NEBL: variants seen among roughly 807,000 people sequenced by gnomAD.
NEBL encodes nebulette, also known as LIM and SH3 protein 2.
A neutral mutation model predicts 140.2 loss-of-function variants in NEBL; 122 were observed. The observed-to-expected ratio is 0.87, with a 90% CI of 0.75 to 1.01. The LOEUF is 1.01. NEBL is among the 50% of genes least tolerant of loss of function. The pLI is 0.00. For missense variants in NEBL, 1,365 were observed against 1,231.3 expected (o/e 1.11, Z -1.62); for synonymous variants, 436 against 398.9 (o/e 1.09, Z -1.11).
intron 2 of NEBL, among the ~76,000 whole-genome samples, chr10:20,896,757 G>A (rs929408884): frequency 6.6e-6 from 1 of 152,034 alleles, no homozygotes; most frequent in Non-Finnish European, 1.5e-5. Flanking sequence ...TAAGAATGAG[G>A]AGACTTGCTC....
intron 18 of NEBL, among the ~76,000 whole-genome samples, chr10:20,825,903 G>A (rs575085299): frequency 5.9e-5 from 9 of 152,214 alleles, no homozygotes; most frequent in East Asian, 1.9e-4. Context: ...ATTTGTTTTC[G>A]TTTCTGCTGG....
chr10:20,908,846 C>T (rs958620300), intron 4 of NEBL, among the ~76,000 whole-genome samples: 10 of 152,126 alleles, frequency 6.6e-5, no homozygotes, highest in African/African-American at 2.2e-4. Context: ...ATGGGCATTT[C>T]AAGGTATACA....
chr10:20,830,768 A>G (rs1293059771), intron 16 of NEBL, among the ~76,000 whole-genome samples: 1 of 151,740 alleles, frequency 6.6e-6, no homozygotes, highest in Non-Finnish European at 1.5e-5. Flanking sequence ...AAAGGTTAAA[A>G]TATCCTTGGG....
intron 4 of NEBL, among the ~76,000 whole-genome samples, chr10:20,924,621 G>C (rs1008704477): frequency 1.3e-5 from 2 of 151,360 alleles, no homozygotes; most frequent in East Asian, 3.9e-4. Flanking sequence ...GAATGTGAAA[G>C]AATAGGGCCT....
chr10:21,216,628 G>A (rs1051996327), intron 3 of NEBL, among the ~76,000 whole-genome samples: 2 of 152,044 alleles, frequency 1.3e-5, no homozygotes, highest in Admixed American at 1.3e-4. Context: ...AAAATTAGCT[G>A]GGCATGGTGG....
At chr10:21,179,013 T>C (rs1340476494), upstream of NEBL, among the ~76,000 whole-genome samples, 1 of 152,206 alleles carries the variant, frequency 6.6e-6, no homozygotes, top group Admixed American at 6.5e-5. Context: ...ACTTTGCAGA[T>C]GTGATTAAGT....
intron 2 of NEBL, among the ~76,000 whole-genome samples, chr10:21,151,316 C>T (rs1336113394): frequency 1.3e-5 from 2 of 152,136 alleles, no homozygotes; most frequent in African/African-American, 2.4e-5. Context: ...GGTGAAACTT[C>T]CAGGGGGTCC....
chr10:21,278,642 A>G (rs1353440436), intron 1 of NEBL, among the ~76,000 whole-genome samples: 2 of 152,210 alleles, frequency 1.3e-5, no homozygotes, highest in Non-Finnish European at 2.9e-5. Flanking sequence ...CTATCGGAGC[A>G]CTGATTTGAG....
chr10:20,851,619 CAA>C (rs1342689533), intron 10 of NEBL, among the ~76,000 whole-genome samples: 9 of 114,420 alleles, frequency 7.9e-5, no homozygotes, highest in Admixed American at 1.8e-4. Context: ...ACTAAAAATA[CAA>C]AAAAAAAAAA....
Position 20,828,526 on chromosome 10 carries a change from T to C in NEBL, c.1776+4A>G, listed in dbSNP as rs1205382471. ...GCAACTTAAAAGAAGTAATGGCTACTCACCGCACTAATGTTTTGTTGAGTT... is the reference window on the plus strand; with the variant it reads ...GCAACTTAAAAGAAGTAATGGCTACCCACCGCACTAATGTTTTGTTGAGTT... On this transcript the variant is annotated splice_donor_region_variant and intron_variant, in intron 17 of 27. Coordinates refer to ENST00000377122, the MANE Select transcript of NEBL (RefSeq NM_006393.3). 2.6e-6 allele frequency: 4 copies of C among 1,553,806 alleles called. No individual in the cohort carries two copies. The highest frequency in any genetic ancestry group is 3.6e-6 in the Non-Finnish European group (4 of 1,125,604).
At chr10:20,899,387 G>C (rs900230435), upstream of NEBL, 2 of 1,302,948 alleles carry the variant, frequency 1.5e-6, no homozygotes, top group African/African-American at 3.0e-5. Flanking sequence ...CCTTCATCAG[G>C]CTTGCAGTGC....
intron 3 of NEBL, among the ~76,000 whole-genome samples, chr10:21,184,642 G>A (rs987506833): frequency 6.6e-6 from 1 of 152,116 alleles, no homozygotes. Context: ...AATAAAAATA[G>A]GTATCAAAGC....
chr10:21,009,071 T>C (rs1371501064), intron 3 of NEBL, among the ~76,000 whole-genome samples: 2 of 152,122 alleles, frequency 1.3e-5, no homozygotes, highest in Non-Finnish European at 2.9e-5. Flanking sequence ...GGAAAACTTA[T>C]ATAACAGATA....
intron 4 of NEBL, 51 bp downstream of exon 4, chr10:20,888,046 C>T (rs1164311277): frequency 7.9e-7 from 1 of 1,265,088 alleles, no homozygotes; most frequent in South Asian, 1.2e-5. Context: ...AGCTTTTTTC[C>T]AGTTATATGT....
intron 3 of NEBL, among the ~76,000 whole-genome samples, chr10:21,200,775 GA>G (rs1841723349): frequency 6.6e-6 from 1 of 152,154 alleles, no homozygotes; most frequent in African/African-American, 2.4e-5. Context: ...ATGTCATTTT[GA>G]ATTTTGGTGA....
intron 2 of NEBL, among the ~76,000 whole-genome samples, chr10:21,065,880 A>G (rs1028555659): frequency 2.0e-5 from 3 of 152,268 alleles, no homozygotes; most frequent in African/African-American, 7.2e-5. Flanking sequence ...TAACAAAGGG[A>G]GGGTGATGGG....
intron 3 of NEBL, among the ~76,000 whole-genome samples, chr10:20,986,179 T>G (rs931032498): frequency 1.3e-5 from 2 of 152,204 alleles, no homozygotes; most frequent in Non-Finnish European, 2.9e-5. Context: ...AGGTGCTTTT[T>G]CCAAATTAGT....
At chr10:20,898,151 T>C (rs562110715), upstream of NEBL, among the ~76,000 whole-genome samples, 1 of 152,222 alleles carries the variant, frequency 6.6e-6, no homozygotes, top group Non-Finnish European at 1.5e-5. Flanking sequence ...TGTATGTCCT[T>C]GGTTACGTAA....
chr10:21,016,079 G>A (rs1037923675), intron 3 of NEBL, among the ~76,000 whole-genome samples: 2 of 152,240 alleles, frequency 1.3e-5, no homozygotes, highest in Non-Finnish European at 2.9e-5. Context: ...GGCCCGTGGG[G>A]GCGTCTAACC....
Sources: allele counts gnomAD v4.1 joint callset (sites outside exome capture counted in the v4.1 genomes callset), GRCh38; gene constraint gnomAD v4.1.1; transcripts MANE v1.5; gene names NCBI Gene and HGNC (gene_info 2026-07-23, HGNC 2026-07-21).